Variants in ICA1L observed in about 807,000 individuals in gnomAD.
ICA1L encodes the protein islet cell autoantigen 1 like, also known as islet cell autoantigen 1-like protein.
Under a neutral mutation model 61.3 loss-of-function variants are expected in ICA1L, and 50 were observed. The observed-to-expected ratio is 0.82, with a 90% CI of 0.65 to 1.03. The LOEUF is 1.03. ICA1L is among the 50% of genes least tolerant of loss of function. ICA1L has a pLI of 0.00. For synonymous variants in ICA1L, 161 were observed against 191.3 expected, an observed-to-expected ratio of 0.84 and a Z score of 1.31; for missense variants, 508 against 556.7, an observed-to-expected ratio of 0.91 and a Z score of 0.88.
chr2:202,778,604 C>T lies in ICA1L; in HGVS notation c.*929G>A, dbSNP rs1692297298. On this transcript the variant is annotated 3_prime_UTR_variant, in exon 13 of 13. Transcript: ENST00000358299. ...AAGGATAAGGTGTTCATAAGTGTCTCCCTCATTCAGATAGAAATTTCTAGG... is the reference window on the plus strand; with the variant it reads ...AAGGATAAGGTGTTCATAAGTGTCTTCCTCATTCAGATAGAAATTTCTAGG... The T allele has an allele frequency of 6.6e-6, 1 of 152,310 alleles. No homozygotes were observed. The highest frequency in any genetic ancestry group is 6.5e-5 in the Admixed American group (1 of 15,280). 9.4% of individuals were successfully genotyped at this position (152,310 alleles called of 1,614,324 possible). A position where few individuals can be genotyped will look rare whatever the true frequency, so the allele number is the denominator to read the frequency against.
intron 2 of ICA1L, among the ~76,000 whole-genome samples, chr2:202,826,304 C>A (rs1002044826): frequency 6.6e-6 from 1 of 151,884 alleles, no homozygotes; most frequent in Non-Finnish European, 1.5e-5. Flanking sequence ...ACTACTGCTG[C>A]TAATTGCTAA....
intron 1 of ICA1L, among the ~76,000 whole-genome samples, chr2:202,862,658 GA>G (rs1165800292): frequency 5.3e-5 from 8 of 151,830 alleles, no homozygotes; most frequent in African/African-American, 1.9e-4. Context: ...CCAACATGGT[GA>G]AACCCCGTCT....
intron 1 of ICA1L, among the ~76,000 whole-genome samples, chr2:202,829,828 T>C (rs1693964490): frequency 6.6e-6 from 1 of 152,222 alleles, no homozygotes; most frequent in Non-Finnish European, 1.5e-5. Flanking sequence ...ACTTTCTAAG[T>C]TTTGCTTTTG....
intron 12 of ICA1L, among the ~76,000 whole-genome samples, chr2:202,784,619 TCAAA>T (rs1342151116): frequency 6.6e-6 from 1 of 152,166 alleles, no homozygotes; most frequent in African/African-American, 2.4e-5. Context: ...GTTGTATCTG[TCAAA>T]CAGAGTATTA....
chr2:202,851,140 T>TC (rs1338095893), intron 1 of ICA1L, among the ~76,000 whole-genome samples: 1 of 151,998 alleles, frequency 6.6e-6, no homozygotes, highest in Non-Finnish European at 1.5e-5. Context: ...TAGGTATATC[T>TC]CCTAATGCTA....
intron 1 of ICA1L, 57 bp downstream of exon 1, chr2:202,871,562 G>C (rs1341426849): frequency 6.6e-6 from 1 of 152,108 alleles, no homozygotes; most frequent in South Asian, 2.1e-4. Context: ...TTTGGTCTCC[G>C]GGCCTGACCG....
At chr2:202,847,640 T>A (rs1325979989) in intron 1 of ICA1L, among the ~76,000 whole-genome samples, 1 of 144,934 alleles carries the variant, frequency 6.9e-6, no homozygotes, top group African/African-American at 2.6e-5. Context: ...GAATTCATGT[T>A]ATATTTTTTC....
At chr2:202,782,753 T>A (rs1413864104) in intron 12 of ICA1L, among the ~76,000 whole-genome samples, 1 of 149,792 alleles carries the variant, frequency 6.7e-6, no homozygotes, top group Non-Finnish European at 1.5e-5. Flanking sequence ...TGGTGAGAAG[T>A]TTTTTTTTTC....
intron 2 of ICA1L, among the ~76,000 whole-genome samples, chr2:202,828,029 C>G (rs1333854758): frequency 2.6e-5 from 4 of 152,090 alleles, no homozygotes; most frequent in Non-Finnish European, 5.9e-5. Flanking sequence ...CAGACTTGGG[C>G]TGGGCACAGT....
At chr2:202,783,770 G>A (rs1447854756) in intron 12 of ICA1L, among the ~76,000 whole-genome samples, 1 of 152,186 alleles carries the variant, frequency 6.6e-6, no homozygotes, top group Non-Finnish European at 1.5e-5. Flanking sequence ...TCCTGATTTT[G>A]ACTTGTACTG....
chr2:202,831,311 T>A (rs1052564216), intron 1 of ICA1L, among the ~76,000 whole-genome samples: 2 of 152,200 alleles, frequency 1.3e-5, no homozygotes, highest in Non-Finnish European at 2.9e-5. Flanking sequence ...ATGGATTTGA[T>A]ATAAGCATTA....
intron 1 of ICA1L, among the ~76,000 whole-genome samples, chr2:202,861,452 T>C (rs1694909830): frequency 7.3e-6 from 1 of 136,436 alleles, no homozygotes; most frequent in Non-Finnish European, 1.6e-5. Flanking sequence ...TAACTATGGA[T>C]GTTACTAAAT....
chr2:202,847,779 T>G (rs888164252), intron 1 of ICA1L, among the ~76,000 whole-genome samples: 1 of 146,006 alleles, frequency 6.8e-6, no homozygotes. Context: ...ATACAGGCAC[T>G]TGTATGTTCA....
Position 202,773,688 on chromosome 2 carries a change from T to C in ICA1L, c.*5845A>G, listed in dbSNP as rs1692125254. 7 of 901,516 alleles carry C rather than the reference T, an allele frequency of 7.8e-6. No homozygotes were observed. In the East Asian group the frequency reaches 1.8e-4, roughly 23 times the overall value. 55.8% of individuals were successfully genotyped at this position (901,516 alleles called of 1,614,324 possible). On this transcript the variant is annotated 3_prime_UTR_variant, in exon 13 of 13. Transcript: ENST00000358299. ...AGAGATAGATGCCCAAGAGCTATCATTAATATATACAGCATATTGACTCTA... is the reference window on the plus strand; with the variant it reads ...AGAGATAGATGCCCAAGAGCTATCACTAATATATACAGCATATTGACTCTA...
At chr2:202,822,154 C>G (rs1452962814) in intron 3 of ICA1L, among the ~76,000 whole-genome samples, 1 of 152,152 alleles carries the variant, frequency 6.6e-6, no homozygotes, top group Non-Finnish European at 1.5e-5. Flanking sequence ...TATTTTATTT[C>G]ATTTTTCTAA....
intron 12 of ICA1L, among the ~76,000 whole-genome samples, chr2:202,785,518 G>C (rs1040063343): frequency 3.3e-5 from 5 of 152,112 alleles, no homozygotes; most frequent in Non-Finnish European, 5.9e-5. Flanking sequence ...TGCCTCCCGG[G>C]TTAGAGCAAT....
chr2:202,804,187 C>G (rs1487550588), intron 9 of ICA1L, among the ~76,000 whole-genome samples: 1 of 152,202 alleles, frequency 6.6e-6, no homozygotes, highest in African/African-American at 2.4e-5. Flanking sequence ...GACCCCTCCC[C>G]TATTTGGCAT....
Position 202,774,534 on chromosome 2 carries a change from G to A in ICA1L, c.*4999C>T. ...TTTAGCCACAAGAGATATCACAGGA[G>A]AGACACAGGAAAAAAAGTTGTAATA... is the stretch of plus-strand genomic sequence containing the variant. On this transcript the variant is annotated 3_prime_UTR_variant, in exon 13 of 13. Transcript: ENST00000358299. 2.5e-6 allele frequency: 1 copy of A among 406,340 alleles called. No homozygotes were observed. The highest frequency in any genetic ancestry group is 4.6e-5 in the East Asian group (1 of 21,932). The allele number at this position is 406,340 out of a possible 1,614,324, so 25.2% of individuals were successfully genotyped here.
At chr2:202,863,236 G>A (rs1248674156) in intron 1 of ICA1L, among the ~76,000 whole-genome samples, 1 of 152,048 alleles carries the variant, frequency 6.6e-6, no homozygotes, top group Non-Finnish European at 1.5e-5. Flanking sequence ...AGGTTGCAAT[G>A]AGCCAAGAAC....
Sources: allele counts gnomAD v4.1 joint callset (sites outside exome capture counted in the v4.1 genomes callset), GRCh38; gene constraint gnomAD v4.1.1; transcripts MANE v1.5; gene names NCBI Gene and HGNC (gene_info 2026-07-23, HGNC 2026-07-21).